DENND1A: variants seen among roughly 807,000 people sequenced by gnomAD.
DENND1A encodes DENN domain containing 1A, also known as DENN domain-containing protein 1A.
Under a neutral mutation model 113.7 loss-of-function variants are expected in DENND1A, and 51 were observed. The ratio of observed to expected loss-of-function variants is 0.45; its 90% CI spans 0.36 to 0.57. DENND1A has a LOEUF of 0.57. Ranked by LOEUF, DENND1A falls within the 20% of genes least tolerant of loss-of-function variation. The pLI, the probability that DENND1A is intolerant of heterozygous loss-of-function variation, is 0.00. For missense variants in DENND1A, 1,258 were observed against 1,395.9 expected (o/e 0.90, Z 1.57); for synonymous variants, 565 against 570.8 (o/e 0.99, Z 0.14).
intron 5 of DENND1A, among the ~76,000 whole-genome samples, chr9:123,733,194 G>A (rs1055694315): frequency 1.3e-5 from 2 of 151,942 alleles, no homozygotes; most frequent in African/African-American, 4.8e-5. Context: ...TAGGTCAGGC[G>A]GGTCTCAAAC....
chr9:123,488,454 C>T (rs2051076041), intron 13 of DENND1A, among the ~76,000 whole-genome samples: 1 of 152,234 alleles, frequency 6.6e-6, no homozygotes, highest in Non-Finnish European at 1.5e-5. Flanking sequence ...TTGTAACTGA[C>T]AATTTGAAAA....
chr9:123,612,769 G>T (rs571539938), intron 10 of DENND1A, among the ~76,000 whole-genome samples: 39 of 152,274 alleles, frequency 2.6e-4, no homozygotes, highest in Non-Finnish European at 4.4e-4. Context: ...TAAAGGACAG[G>T]GCTGTTTCTT....
At chr9:123,574,234 G>A (rs1164720831) in intron 12 of DENND1A, among the ~76,000 whole-genome samples, 1 of 141,202 alleles carries the variant, frequency 7.1e-6, no homozygotes, top group Admixed American at 7.3e-5. Flanking sequence ...GGGTAAAGCT[G>A]ACCTCATAAA....
At chr9:123,403,351 C>T (rs780603891) in intron 21 of DENND1A, 51 bp downstream of exon 21, 2 of 1,594,832 alleles carry the variant, frequency 1.3e-6, no homozygotes, top group Admixed American at 3.4e-5. Context: ...AAAGTGCTGG[C>T]TCCGCAGACA....
At chr9:123,898,403 T>C (rs1484999949) in intron 1 of DENND1A, among the ~76,000 whole-genome samples, 1 of 152,154 alleles carries the variant, frequency 6.6e-6, no homozygotes, top group Non-Finnish European at 1.5e-5. Context: ...GAACACAGCT[T>C]ACTGCAGCCT....
chr9:123,813,685 C>T (rs919881433), intron 2 of DENND1A, among the ~76,000 whole-genome samples: 1 of 152,014 alleles, frequency 6.6e-6, no homozygotes, highest in African/African-American at 2.4e-5. Context: ...ACAAAGAATC[C>T]AAACAGATAC....
chr9:123,450,714 C>A lies in DENND1A; in HGVS notation c.1335G>T (p.Val445=). The A allele has an allele frequency of 6.2e-7, 1 of 1,610,302 alleles. No individual in the cohort carries two copies. Among genetic ancestry groups the A allele is most frequent in the Non-Finnish European group, 8.5e-7 (1 of 1,179,068 alleles). ...GTACCTTTTGCTTCAAGCGGTTTTTCACCTCTTTTATTCCCATTTTTGCAT... is the reference window on the plus strand; with the variant it reads ...GTACCTTTTGCTTCAAGCGGTTTTTAACCTCTTTTATTCCCATTTTTGCAT... The part of the protein sequence containing the change: ...KDHAKMGIKE[V]KNRLKQKDIA... Residue 445 remains valine (V), a synonymous_variant, in exon 18 of 24, where the codon GTG becomes GTT. Coordinates refer to ENST00000394215, the MANE Select transcript of DENND1A (RefSeq NM_001352964.2).
intron 2 of DENND1A, among the ~76,000 whole-genome samples, chr9:123,858,511 C>A (rs1014108512): frequency 1.3e-5 from 2 of 152,128 alleles, no homozygotes; most frequent in African/African-American, 4.8e-5. Context: ...TGCCCTTCAA[C>A]AAGACCGTGG....
intron 8 of DENND1A, among the ~76,000 whole-genome samples, chr9:123,655,939 C>T (rs2062921311): frequency 6.6e-6 from 1 of 152,198 alleles, no homozygotes; most frequent in Non-Finnish European, 1.5e-5. Flanking sequence ...GGGAGCTAGG[C>T]CTGCAGAGAT....
intron 1 of DENND1A, among the ~76,000 whole-genome samples, chr9:123,893,667 G>C (rs1265715403): frequency 6.6e-6 from 1 of 152,198 alleles, no homozygotes; most frequent in African/African-American, 2.4e-5. Flanking sequence ...CATACTGTGA[G>C]GGAGGGAGGA....
At chr9:123,445,764 G>A (rs867649970) in intron 18 of DENND1A, among the ~76,000 whole-genome samples, 1 of 152,326 alleles carries the variant, frequency 6.6e-6, no homozygotes, top group African/African-American at 2.4e-5. Context: ...CTACTTGGGT[G>A]GCTGAAGCAG....
At chr9:123,884,499 G>A (rs1434495943) in intron 1 of DENND1A, among the ~76,000 whole-genome samples, 1 of 151,934 alleles carries the variant, frequency 6.6e-6, no homozygotes, top group African/African-American at 2.4e-5. Flanking sequence ...CTGCCCACCT[G>A]CCAAGCATTT....
intron 3 of DENND1A, among the ~76,000 whole-genome samples, chr9:123,787,084 C>T (rs1832300144): frequency 6.6e-6 from 1 of 152,136 alleles, no homozygotes; most frequent in East Asian, 1.9e-4. Context: ...AAGCCACTGT[C>T]GAAAGACTGG....
intron 13 of DENND1A, among the ~76,000 whole-genome samples, chr9:123,464,965 A>G (rs1168857664): frequency 6.8e-6 from 1 of 146,164 alleles, no homozygotes; most frequent in East Asian, 2.0e-4. Flanking sequence ...CCTGGCCAAC[A>G]TGACAAAAAC....
chr9:123,710,107 C>T (rs1379014882), intron 5 of DENND1A, among the ~76,000 whole-genome samples: 1 of 152,178 alleles, frequency 6.6e-6, no homozygotes, highest in Non-Finnish European at 1.5e-5. Context: ...ATGATGACGT[C>T]CAAATTTCCA....
At chr9:123,490,211 C>T (rs2051250221) in intron 13 of DENND1A, among the ~76,000 whole-genome samples, 1 of 152,118 alleles carries the variant, frequency 6.6e-6, no homozygotes, top group South Asian at 2.1e-4. Context: ...ATAGTTCAAA[C>T]AAAAGAATAA....
At chr9:123,858,144 T>C (rs571603084) in intron 2 of DENND1A, among the ~76,000 whole-genome samples, 94 of 152,218 alleles carry the variant, frequency 6.2e-4, no homozygotes, top group African/African-American at 2.2e-3. Context: ...TCCTTTTGCT[T>C]TAAAGAACAT....
chr9:123,843,750 A>G (rs1225060428), intron 2 of DENND1A: 1 of 153,474 alleles, frequency 6.5e-6, no homozygotes, highest in Admixed American at 6.5e-5. Flanking sequence ...AAATGTATAT[A>G]ATCAAAGTCA....
At chr9:123,891,024 T>C (rs1849824885) in intron 1 of DENND1A, among the ~76,000 whole-genome samples, 1 of 152,124 alleles carries the variant, frequency 6.6e-6, no homozygotes, top group South Asian at 2.1e-4. Flanking sequence ...TCAAAAACCA[T>C]AGTGTCTGGC....
Sources: allele counts gnomAD v4.1 joint callset (sites outside exome capture counted in the v4.1 genomes callset), GRCh38; gene constraint gnomAD v4.1.1; transcripts MANE v1.5; gene names NCBI Gene and HGNC (gene_info 2026-07-23, HGNC 2026-07-21).